Variants in CRIPTO observed in about 807,000 individuals in gnomAD.
The protein encoded by CRIPTO is protein Cripto.
chr3:46,581,711 C>T, the CRIPTO span: 3 of 439,984 alleles, frequency 6.8e-6, no homozygotes, highest in Non-Finnish European at 1.2e-5. Flanking sequence ...GGGGGTTTCA[C>T]CATATTGGCC....
the CRIPTO span, among the ~76,000 whole-genome samples, chr3:46,580,639 C>T: frequency 6.6e-6 from 1 of 152,150 alleles, no homozygotes; most frequent in African/African-American, 2.4e-5. Flanking sequence ...AGGGCAGCAC[C>T]TGGAGAGGAA....
At chr3:46,579,683 A>AGGTT in the CRIPTO span, 1 of 1,564,572 alleles carries the variant, frequency 6.4e-7, no homozygotes, top group Non-Finnish European at 8.8e-7. Context: ...GCTTACAGGA[A>AGGTT]TTGCCCTTGC....
At chr3:46,581,044 A>G in the CRIPTO span, 1 of 952,842 alleles carries the variant, frequency 1.0e-6, no homozygotes, top group Non-Finnish European at 1.7e-6. Flanking sequence ...GCAGGTTCAC[A>G]GTAGCGTATA....
the CRIPTO span, chr3:46,581,142 G>A: frequency 1.9e-6 from 3 of 1,614,046 alleles, no homozygotes; most frequent in Non-Finnish European, 2.5e-6. Flanking sequence ...ATGGCCTTGT[G>A]ATGGATGAGC....
the CRIPTO span, chr3:46,578,023 T>A: frequency 6.2e-7 from 1 of 1,613,966 alleles, no homozygotes; most frequent in Non-Finnish European, 8.5e-7. Context: ...TAATCTTGAA[T>A]GTGAACTTTT....
the CRIPTO span, among the ~76,000 whole-genome samples, chr3:46,578,833 A>C: frequency 1.3e-5 from 2 of 152,234 alleles, no homozygotes; most frequent in Non-Finnish European, 2.9e-5. Flanking sequence ...TAAAAGACAT[A>C]TACCTACTTA....
chr3:46,580,204 C>A, the CRIPTO span: 2 of 1,067,236 alleles, frequency 1.9e-6, no homozygotes, highest in Non-Finnish European at 2.8e-6. Flanking sequence ...ATCGCAGACT[C>A]CTGATGAGAT....
chr3:46,579,854 G>C, the CRIPTO span: 1 of 1,614,162 alleles, frequency 6.2e-7, no homozygotes, highest in Non-Finnish European at 8.5e-7. Context: ...TGCGCAAAGA[G>C]TAAGCAATTC....
the CRIPTO span, chr3:46,580,067 G>C: frequency 6.2e-7 from 1 of 1,614,214 alleles, no homozygotes; most frequent in Non-Finnish European, 8.5e-7. Flanking sequence ...TGTGGTAAGC[G>C]GAGGTTCTCC....
At chr3:46,579,715 C>CA in the CRIPTO span, 1 of 1,610,692 alleles carries the variant, frequency 6.2e-7, no homozygotes, top group Non-Finnish European at 8.5e-7. Context: ...CCTACACCCT[C>CA]AGTCATCTGT....
chr3:46,578,257 CTTTA>C, the CRIPTO span, among the ~76,000 whole-genome samples: 1 of 151,112 alleles, frequency 6.6e-6, no homozygotes, highest in Non-Finnish European at 1.5e-5. Context: ...AATAGTGTTT[CTTTA>C]TTCTTGTACA....
the CRIPTO span, chr3:46,581,098 T>G: frequency 6.6e-7 from 1 of 1,518,988 alleles, no homozygotes; most frequent in South Asian, 1.1e-5. Flanking sequence ...GCCAGAGAGG[T>G]TTGCTTTAAT....
chr3:46,580,053 CGG>C, the CRIPTO span: 2 of 1,614,104 alleles, frequency 1.2e-6, no homozygotes, highest in African/African-American at 2.7e-5. Flanking sequence ...CATTTCTACC[CGG>C]CTGTGGTAAG....
At chr3:46,580,235 T>C in the CRIPTO span, 8 of 808,048 alleles carry the variant, frequency 9.9e-6, no homozygotes, top group South Asian at 4.8e-5. Flanking sequence ...GCCTCTTTGA[T>C]ATTTATTTCC....
the CRIPTO span, chr3:46,581,268 C>A: frequency 1.9e-6 from 3 of 1,577,514 alleles, no homozygotes; most frequent in South Asian, 3.3e-5. Flanking sequence ...TGACCTATTT[C>A]CAGAAATACA....
the CRIPTO span, chr3:46,579,042 T>C: frequency 3.7e-6 from 6 of 1,603,344 alleles, no homozygotes; most frequent in East Asian, 2.2e-5. Context: ...TGTTAACTTG[T>C]AAGGTTTTAT....
the CRIPTO span, chr3:46,580,046 T>A: frequency 1.2e-6 from 2 of 1,614,264 alleles, no homozygotes; most frequent in East Asian, 4.5e-5. Flanking sequence ...CCTCAGGCAT[T>A]TCTACCCGGC....
chr3:46,575,075 A>G, the CRIPTO span, among the ~76,000 whole-genome samples: 9 of 152,150 alleles, frequency 5.9e-5, no homozygotes, highest in Non-Finnish European at 1.0e-4. Flanking sequence ...GACACAAAGC[A>G]CTCATTGGCC....
the CRIPTO span, among the ~76,000 whole-genome samples, chr3:46,580,540 A>G: frequency 1.4e-5 from 2 of 141,780 alleles, no homozygotes; most frequent in African/African-American, 4.9e-5. Context: ...ATACCTTACC[A>G]TGACTGGTCA....
Sources: allele counts gnomAD v4.1 joint callset (sites outside exome capture counted in the v4.1 genomes callset), GRCh38; gene constraint gnomAD v4.1.1; transcripts MANE v1.5; gene names NCBI Gene and HGNC (gene_info 2026-07-23, HGNC 2026-07-21).